The following SLC35E3 variants were observed in gnomAD, a reference collection of about 807,000 sequenced individuals.
SLC35E3 encodes bladder cancer-overexpressed gene 1 protein.
Under a neutral mutation model 30.8 loss-of-function variants are expected in SLC35E3, and 28 were observed. The observed-to-expected ratio is 0.91, with a 90% CI of 0.67 to 1.25. The LOEUF (loss-of-function observed/expected upper bound fraction) is 1.25. Ranked by LOEUF, SLC35E3 falls within the 50% of genes most tolerant of loss-of-function variation. SLC35E3 has a pLI of 0.00. For synonymous variants in SLC35E3, 146 were observed against 149.2 expected, an observed-to-expected ratio of 0.98 and a Z score of 0.16; for missense variants, 365 against 375.4, an observed-to-expected ratio of 0.97 and a Z score of 0.23.
intron 4 of SLC35E3, among the ~76,000 whole-genome samples, chr12:68,763,984 C>T (rs976649910): frequency 2.6e-5 from 4 of 152,124 alleles, no homozygotes; most frequent in African/African-American, 7.2e-5. Flanking sequence ...TCATGTAAAT[C>T]GCCCAGCATG....
Position 68,759,171 on chromosome 12 carries a change from A to T in SLC35E3, c.687A>T (p.Leu229=). The T allele has an allele frequency of 1.2e-6, 2 of 1,613,100 alleles. No homozygotes were observed. The highest frequency in any genetic ancestry group is 1.7e-6 in the Non-Finnish European group (2 of 1,179,260). Residue 229 remains leucine, a synonymous_variant, in exon 4 of 5, where the codon CTA becomes CTT. Coordinates refer to ENST00000398004, the MANE Select transcript of SLC35E3 (RefSeq NM_018656.5). ...TTTATTTGTAGCTTATGGTGCTGCT[A>T]TCTGGAGTAATAGCTTTCATGGTGA... ...WSVSALLMVL[L]SGVIAFMVNL... is the part of the protein sequence containing the mutation.
At chr12:68,755,441 T>C (rs1056385937) in intron 3 of SLC35E3, among the ~76,000 whole-genome samples, 2 of 152,220 alleles carry the variant, frequency 1.3e-5, no homozygotes, top group African/African-American at 2.4e-5. Flanking sequence ...TATGTAAATA[T>C]TAACTTATTT....
At chr12:68,749,705 A>G (rs572083182) in intron 2 of SLC35E3, among the ~76,000 whole-genome samples, 2 of 152,320 alleles carry the variant, frequency 1.3e-5, no homozygotes, top group African/African-American at 4.8e-5. Flanking sequence ...GGGCACACAG[A>G]AATGAGCTCA....
rs1256479131 is a variant in SLC35E3, at chr12:68,780,187, GA to G, written c.*15298del. 7 of 151,518 alleles carry G rather than the reference GA, an allele frequency of 4.6e-5. No homozygotes were observed. The highest frequency in any genetic ancestry group is 1.7e-4 in the African/African-American group (7 of 41,214). 9.4% of individuals were successfully genotyped at this position (151,518 alleles called of 1,614,324 possible). A position where few individuals can be genotyped will look rare whatever the true frequency, so the allele number is the denominator to read the frequency against. Reference sequence around the variant, plus strand: ...TTTTTAATTTATTTTGTATTTTTTTGAGACAGGGTCTTACTTTGTCACCCAG... The same window carrying G: ...TTTTTAATTTATTTTGTATTTTTTTGGACAGGGTCTTACTTTGTCACCCAG... On this transcript the variant is annotated 3_prime_UTR_variant, in exon 5 of 5. Transcript: ENST00000398004.
At chr12:68,759,111 A>G (rs1879147877) in intron 3 of SLC35E3, 46 bp from the exon 4 acceptor site, 6 of 1,223,508 alleles carry the variant, frequency 4.9e-6, no homozygotes, top group Non-Finnish European at 7.1e-6. Flanking sequence ...CTTGATGATT[A>G]TGATTGCAGT....
intron 4 of SLC35E3, among the ~76,000 whole-genome samples, chr12:68,762,004 A>G (rs566508363): frequency 1.3e-5 from 2 of 152,120 alleles, no homozygotes; most frequent in Non-Finnish European, 2.9e-5. Flanking sequence ...TCTGTCACCC[A>G]GGCTGGAGTG....
In SLC35E3 at chr12:68,775,536, G is replaced by A. The variant is rs73334654; in HGVS notation, c.*10646G>A. On this transcript the variant is annotated 3_prime_UTR_variant, in exon 5 of 5. Transcript: ENST00000398004. ...CTTATAAAGGCACCAGTCTCACTGG[G>A]CAGAGCCTTCATGACCCAGTCACCT... 0.13 allele frequency: 20,173 copies of A among 152,130 alleles called. 2,733 individuals are homozygous for A. Among genetic ancestry groups the A allele is most frequent in the African/African-American group, 0.35 (14,327 of 41,468 alleles). The allele number at this position is 152,130 out of a possible 1,614,324, so 9.4% of individuals were successfully genotyped here.
Position 68,771,822 on chromosome 12 carries a change from C to A in SLC35E3, c.*6932C>A, listed in dbSNP as rs1470285043. 1 of 152,444 alleles carries A rather than the reference C, an allele frequency of 6.6e-6. No homozygotes were observed. Among genetic ancestry groups the A allele is most frequent in the South Asian group, 2.1e-4 (1 of 4,828 alleles). The allele number at this position is 152,444 out of a possible 1,614,324, so 9.4% of individuals were successfully genotyped here. A position where few individuals can be genotyped will look rare whatever the true frequency, so the allele number is the denominator to read the frequency against. On this transcript the variant is annotated 3_prime_UTR_variant, in exon 5 of 5. Transcript: ENST00000398004. ...TTCACTGGTATAGCCTTTGGCAAAG[C>A]CTTTGGGCAGCTTGCTCAAATCTTA...
chr12:68,762,407 C>T (rs1446440706), intron 4 of SLC35E3, among the ~76,000 whole-genome samples: 1 of 151,964 alleles, frequency 6.6e-6, no homozygotes, highest in African/African-American at 2.4e-5. Flanking sequence ...GAGGAGGAGG[C>T]GGGGTCGGTG....
Position 68,773,362 on chromosome 12 carries a change from A to C in SLC35E3, c.*8472A>C, listed in dbSNP as rs1303131367. The C allele has an allele frequency of 1.3e-5, 2 of 152,046 alleles. No homozygotes were observed. Among genetic ancestry groups the C allele is most frequent in the East Asian group, 1.9e-4 (1 of 5,162 alleles). 9.4% of individuals were successfully genotyped at this position (152,046 alleles called of 1,614,324 possible). On this transcript the variant is annotated 3_prime_UTR_variant, in exon 5 of 5. Transcript: ENST00000398004. ...ATTTCCTTTAGGAATCATCAGACTCATCCGACTCGTCAAGTCTTTCTCTGC... is the reference window on the plus strand; with the variant it reads ...ATTTCCTTTAGGAATCATCAGACTCCTCCGACTCGTCAAGTCTTTCTCTGC...
At position 68,746,298 on chromosome 12, in the gene SLC35E3, G is replaced by C. The variant is rs1461613359; in HGVS notation, c.-80G>C. 2.1e-6 allele frequency: 3 copies of C among 1,403,746 alleles called. No individual in the cohort carries two copies. The highest frequency in any genetic ancestry group is 2.9e-6 in the Non-Finnish European group (3 of 1,045,944). The allele number at this position is 1,403,746 out of a possible 1,614,324, so 87.0% of individuals were successfully genotyped here. On this transcript the variant is annotated 5_prime_UTR_variant, in exon 1 of 5. Coordinates refer to ENST00000398004, the MANE Select transcript of SLC35E3 (RefSeq NM_018656.5). ...CGGTGAGGTCGGCGTCTGCGAGGAC[G>C]CGGCGGTGGAGTAGAAGGGCAGCCG...
At position 68,778,449 on chromosome 12, in the gene SLC35E3, T is replaced by C. The variant is rs2136089352; in HGVS notation, c.*13559T>C. On this transcript the variant is annotated 3_prime_UTR_variant, in exon 5 of 5. Coordinates refer to ENST00000398004, the MANE Select transcript of SLC35E3 (RefSeq NM_018656.5). ...TAACAGTAAAGATGAACAGAGATCA[T>C]ATTATAAATAGTTGGAAGATTTATT... 2 of 152,320 alleles carry C rather than the reference T, an allele frequency of 1.3e-5. 1 individual carries two copies. Among genetic ancestry groups the C allele is most frequent in the South Asian group, 4.1e-4 (2 of 4,826 alleles). The allele number at this position is 152,320 out of a possible 1,614,324, so 9.4% of individuals were successfully genotyped here.
At position 68,778,048 on chromosome 12, in the gene SLC35E3, G is replaced by C. The variant is rs545451433; in HGVS notation, c.*13158G>C. On this transcript the variant is annotated 3_prime_UTR_variant, in exon 5 of 5. Coordinates refer to ENST00000398004, the MANE Select transcript of SLC35E3 (RefSeq NM_018656.5). Reference sequence around the variant, plus strand: ...TGGGAGGATCACCCAAGCCCAGGGAGGTCGAGGCTGCAATGAGCCACCGTG... The same window carrying C: ...TGGGAGGATCACCCAAGCCCAGGGACGTCGAGGCTGCAATGAGCCACCGTG... 5 of 152,282 alleles carry C rather than the reference G, an allele frequency of 3.3e-5. No homozygotes were observed. The East Asian group carries it at 9.7e-4, about 29-fold the overall frequency. 9.4% of individuals were successfully genotyped at this position (152,282 alleles called of 1,614,324 possible).
rs550628923 is a variant in SLC35E3, at chr12:68,760,991, C to A, written c.755+1752C>A. 3.9e-5 allele frequency among the ~76,000 whole-genome samples: 6 copies of A among 152,088 alleles called. No homozygotes were observed. The South Asian group carries it at 1.2e-3, about 32-fold the overall frequency. Reference sequence around the variant, plus strand: ...TGGGAAGACGACATTTGAGTAAAGACCTGAAGGAAATGCAGTTGCTCCATG... The same window carrying A: ...TGGGAAGACGACATTTGAGTAAAGAACTGAAGGAAATGCAGTTGCTCCATG... On this transcript the variant is annotated intron_variant, in intron 4 of 4. Transcript: ENST00000398004.
intron 3 of SLC35E3, among the ~76,000 whole-genome samples, chr12:68,754,140 C>T (rs1191365978): frequency 2.0e-5 from 3 of 151,952 alleles, no homozygotes; most frequent in Admixed American, 2.0e-4. Context: ...CCACCGTGTC[C>T]GGCCACATCT....
At position 68,777,213 on chromosome 12, in the gene SLC35E3, C is replaced by T. The variant is rs897252613; in HGVS notation, c.*12323C>T. The T allele has an allele frequency of 1.3e-5, 2 of 152,140 alleles. No homozygotes were observed. The highest frequency in any genetic ancestry group is 2.9e-5 in the Non-Finnish European group (2 of 68,026). The allele number at this position is 152,140 out of a possible 1,614,324, so 9.4% of individuals were successfully genotyped here. On this transcript the variant is annotated 3_prime_UTR_variant, in exon 5 of 5. Transcript: ENST00000398004. ...AGCTGCATCAGAGGCCTCCCAGTGC[C>T]ATAGGACCATGGACATTGGTGAGCA...
At chr12:68,758,729 CTTTTTTTTTTTTTTTT>C (rs776771224) in intron 3 of SLC35E3, among the ~76,000 whole-genome samples, 2 of 48,376 alleles carry the variant, frequency 4.1e-5, no homozygotes, top group Admixed American at 7.9e-4. Flanking sequence ...AATTCTCTTT[CTTTTTTTTTTTTTTTT>C]TTTTTTTTTT....
At position 68,746,692 on chromosome 12, in the gene SLC35E3, G is replaced by A. The variant is rs375197577; in HGVS notation, c.315G>A (p.Leu105=). ...LQNNTIGTYQ[L]AKAMTTPVII... is the part of the protein sequence containing the mutation. ...ACAACACCATAGGCACCTATCAGCT[G>A]GCCAAGGCCATGACCACGCCGGTGA... Residue 105 remains leucine (L), a synonymous_variant, in exon 1 of 5, where the codon CTG becomes CTA. Coordinates refer to ENST00000398004, the MANE Select transcript of SLC35E3 (RefSeq NM_018656.5). 1 of 1,614,198 alleles carries A rather than the reference G, an allele frequency of 6.2e-7. No individual in the cohort carries two copies. Among genetic ancestry groups the A allele is most frequent in the Non-Finnish European group, 8.5e-7 (1 of 1,180,026 alleles).
At chr12:68,747,185 A>T (rs1296407789) in intron 1 of SLC35E3, among the ~76,000 whole-genome samples, 1 of 152,210 alleles carries the variant, frequency 6.6e-6, no homozygotes, top group African/African-American at 2.4e-5. Context: ...CTGCAGCACC[A>T]TACTTTAGAG....
Sources: allele counts gnomAD v4.1 joint callset (sites outside exome capture counted in the v4.1 genomes callset), GRCh38; gene constraint gnomAD v4.1.1; transcripts MANE v1.5; gene names NCBI Gene and HGNC (gene_info 2026-07-23, HGNC 2026-07-21).